Variants in TRIO observed in about 807,000 individuals in gnomAD.
TRIO encodes the protein triple functional domain protein.
TRIO carries 58 observed loss-of-function variants against 351.9 expected under a neutral mutation model. The ratio of observed to expected loss-of-function variants is 0.16; its 90% CI spans 0.13 to 0.21. TRIO has a LOEUF of 0.21. Ranked by LOEUF, TRIO falls within the 10% of genes least tolerant of loss-of-function variation. The pLI, the probability that TRIO is intolerant of heterozygous loss-of-function variation, is 1.00. For missense variants in TRIO, 3,201 were observed against 4,027.8 expected, an observed-to-expected ratio of 0.79 and a Z score of 5.56; for synonymous variants, 1,758 against 1,595.7, an observed-to-expected ratio of 1.10 and a Z score of -2.42.
chr5:14,337,526 A>G (rs1741531770), intron 11 of TRIO, among the ~76,000 whole-genome samples: 1 of 152,114 alleles, frequency 6.6e-6, no homozygotes, highest in African/African-American at 2.4e-5. Context: ...ACTGGAAATG[A>G]GGGGCCCTTC....
At chr5:14,352,918 G>A (rs531206523) in intron 11 of TRIO, among the ~76,000 whole-genome samples, 2 of 152,032 alleles carry the variant, frequency 1.3e-5, no homozygotes, top group Non-Finnish European at 2.9e-5. Context: ...CAGGTGGAAG[G>A]GAAAACGTTT....
intron 1 of TRIO, among the ~76,000 whole-genome samples, chr5:14,144,928 C>CG: frequency 1.4e-5 from 1 of 73,792 alleles, no homozygotes; most frequent in South Asian, 4.4e-4. Flanking sequence ...GCGGCGGCCT[C>CG]GGGGCCGGCA....
At position 14,508,284 on chromosome 5, in the gene TRIO, C is replaced by G. The variant is rs367632509; in HGVS notation, c.9156C>G (p.Ala3052=). ...CCCTCCAGGAGCAGTGGCTGCAGGCCGGCAACGGCAGAAGCACGGGCGTCC... is the reference window on the plus strand; with the variant it reads ...CCCTCCAGGAGCAGTGGCTGCAGGCGGGCAACGGCAGAAGCACGGGCGTCC... ...ALALQEQWLQ[A]GNGRSTGVLD... Residue 3052 remains alanine, a synonymous_variant, in exon 57 of 57, where the codon GCC becomes GCG. Coordinates refer to ENST00000344204, the MANE Select transcript of TRIO (RefSeq NM_007118.4). The G allele has an allele frequency of 3.7e-6, 6 of 1,613,742 alleles. No homozygotes were observed. Among genetic ancestry groups the G allele is most frequent in the Non-Finnish European group, 5.1e-6 (6 of 1,180,056 alleles).
chr5:14,397,349 C>G (rs1747694107), intron 29 of TRIO, 195 bp downstream of exon 29: 1 of 521,498 alleles, frequency 1.9e-6, no homozygotes, highest in Non-Finnish European at 3.4e-6. Flanking sequence ...AAAGCCTTTT[C>G]TGGTCCCTTC....
At chr5:14,504,954 C>G (rs1169732613) in intron 55 of TRIO, among the ~76,000 whole-genome samples, 1 of 151,498 alleles carries the variant, frequency 6.6e-6, no homozygotes, top group Non-Finnish European at 1.5e-5. Context: ...TGACCTGATA[C>G]CCCAAGCCTG....
intron 18 of TRIO, among the ~76,000 whole-genome samples, chr5:14,372,083 GT>G (rs1257387964): frequency 6.6e-6 from 1 of 151,930 alleles, no homozygotes; most frequent in Admixed American, 6.5e-5. Flanking sequence ...GAAGAAATAC[GT>G]TCCTCGGATT....
chr5:14,381,331 T>G, intron 21 of TRIO, 79 bp downstream of exon 21: 1 of 1,491,938 alleles, frequency 6.7e-7, no homozygotes, highest in Non-Finnish European at 8.9e-7. Flanking sequence ...AAATACCTCA[T>G]GAGATTGGAG....
chr5:14,386,106 G>T (rs1746516801), intron 21 of TRIO, among the ~76,000 whole-genome samples: 1 of 152,244 alleles, frequency 6.6e-6, no homozygotes, highest in South Asian at 2.1e-4. Context: ...GGAAGCAGCA[G>T]AGCAGAAGAA....
At chr5:14,403,499 A>G (rs1349994543) in intron 31 of TRIO, among the ~76,000 whole-genome samples, 14 of 31,214 alleles carry the variant, frequency 4.5e-4, no homozygotes, top group Non-Finnish European at 5.3e-4. Flanking sequence ...GGTGGTGGTG[A>G]GGGTGTAGGT....
At chr5:14,398,454 G>A (rs1747796004) in intron 29 of TRIO, among the ~76,000 whole-genome samples, 1 of 152,142 alleles carries the variant, frequency 6.6e-6, no homozygotes, top group African/African-American at 2.4e-5. Context: ...TCTGGGCTGA[G>A]GAAGCAGAGA....
chr5:14,414,487 G>GC (rs1247169850), intron 33 of TRIO, among the ~76,000 whole-genome samples: 8 of 152,200 alleles, frequency 5.3e-5, no homozygotes, highest in Non-Finnish European at 1.2e-4. Context: ...CAGTGTGTGA[G>GC]CATGTGAGTA....
At chr5:14,209,215 G>A (rs1178454467) in intron 1 of TRIO, among the ~76,000 whole-genome samples, 1 of 152,174 alleles carries the variant, frequency 6.6e-6, no homozygotes, top group Non-Finnish European at 1.5e-5. Context: ...CTGCTAAAAT[G>A]AGTAAATTTT....
intron 14 of TRIO, among the ~76,000 whole-genome samples, 196 bp from the exon 15 acceptor site, chr5:14,364,454 A>C (rs1744423050): frequency 6.6e-6 from 1 of 152,218 alleles, no homozygotes; most frequent in African/African-American, 2.4e-5. Context: ...GTAGAAATGG[A>C]TGGGATGTGG....
chr5:14,163,243 TCTTA>T (rs1200520203), intron 1 of TRIO, among the ~76,000 whole-genome samples: 2 of 152,192 alleles, frequency 1.3e-5, no homozygotes, highest in African/African-American at 4.8e-5. Context: ...ATTGTTCAAC[TCTTA>T]CTTATAAGTG....
rs115929272 is a variant in TRIO, at chr5:14,353,737, C to T, written c.2047-4441C>T. On this transcript the variant is annotated intron_variant, in intron 11 of 56. Transcript: ENST00000344204. ...CTTAGTCATTATTGTCTATTACCTC[C>T]TATGAGAAGTGTTTGATTTGAATGA... Among the ~76,000 whole-genome samples, 819 of 152,252 alleles carry T rather than the reference C, an allele frequency of 5.4e-3. 6 individuals are homozygous for T. The highest frequency in any genetic ancestry group is 0.018 in the African/African-American group (734 of 41,544).
At chr5:14,273,144 T>TA (rs1275910524) in intron 2 of TRIO, among the ~76,000 whole-genome samples, 2 of 152,174 alleles carry the variant, frequency 1.3e-5, no homozygotes, top group Non-Finnish European at 2.9e-5. Context: ...GACCCCATTT[T>TA]AAAAAATATT....
intron 1 of TRIO, among the ~76,000 whole-genome samples, chr5:14,176,750 A>T (rs1000406785): frequency 2.0e-5 from 3 of 152,138 alleles, no homozygotes; most frequent in African/African-American, 7.2e-5. Flanking sequence ...GCCTCAGTTC[A>T]TTCTTTTAAA....
intron 56 of TRIO, 77 bp from the exon 57 acceptor site, chr5:14,507,803 C>T: frequency 6.6e-7 from 1 of 1,522,296 alleles, no homozygotes; most frequent in Non-Finnish European, 8.9e-7. Flanking sequence ...TCCACCTCAC[C>T]ATAGAGTCCC....
intron 6 of TRIO, among the ~76,000 whole-genome samples, chr5:14,294,440 CTG>C (rs1737169958): frequency 1.3e-5 from 2 of 152,208 alleles, no homozygotes; most frequent in Admixed American, 1.3e-4. Context: ...TAAAAAATTA[CTG>C]TCAGTTTTTT....
Sources: allele counts gnomAD v4.1 joint callset (sites outside exome capture counted in the v4.1 genomes callset), GRCh38; gene constraint gnomAD v4.1.1; transcripts MANE v1.5; gene names NCBI Gene and HGNC (gene_info 2026-07-23, HGNC 2026-07-21).